The following NTRK3 variants were observed in gnomAD, a reference collection of about 807,000 sequenced individuals.
NTRK3 encodes neurotrophic receptor tyrosine kinase 3, also known as NT-3 growth factor receptor.
Under a neutral mutation model 91.7 loss-of-function variants are expected in NTRK3, and 24 were observed. That is an observed-to-expected ratio of 0.26 (90% confidence interval 0.19 to 0.37). NTRK3 has a LOEUF of 0.37. NTRK3 is among the 10% of genes least tolerant of loss of function. The pLI is 1.00. For synonymous variants in NTRK3, 483 were observed against 404.0 expected, an observed-to-expected ratio of 1.20 and a Z score of -2.34; for missense variants, 880 against 1,068.9, an observed-to-expected ratio of 0.82 and a Z score of 2.46.
At chr15:88,055,252 T>A (rs1373957985) in intron 13 of NTRK3, among the ~76,000 whole-genome samples, 1 of 152,148 alleles carries the variant, frequency 6.6e-6, no homozygotes, top group Non-Finnish European at 1.5e-5. Flanking sequence ...TTAAAGAAGA[T>A]CTGTGCCACT....
intron 14 of NTRK3, among the ~76,000 whole-genome samples, chr15:88,024,122 T>G (rs2077820962): frequency 6.6e-6 from 1 of 152,196 alleles, no homozygotes; most frequent in African/African-American, 2.4e-5. Context: ...GCCTGGGCAA[T>G]TCCTCTTCCA....
At chr15:88,001,600 A>G (rs2076101119) in intron 14 of NTRK3, among the ~76,000 whole-genome samples, 1 of 152,096 alleles carries the variant, frequency 6.6e-6, no homozygotes, top group African/African-American at 2.4e-5. Context: ...AGACTATTAT[A>G]TCCTTTTTGA....
rs191398848 is a variant in NTRK3 at position 88,212,997 on chromosome 15, G to T, written c.249-28698C>A. ...GCAGGGCTGTGGGGTCCCATCGCCT[G>T]GGCACCTGACGCCAACAGCCCATGC... On this transcript the variant is annotated intron_variant, in intron 3 of 18. Coordinates refer to ENST00000394480, the Ensembl canonical transcript of NTRK3. Among the ~76,000 whole-genome samples the T allele has an allele frequency of 3.3e-5, 5 of 152,336 alleles. No individual in the cohort carries two copies. The East Asian group carries it at 9.7e-4, about 29-fold the overall frequency.
intron 3 of NTRK3, among the ~76,000 whole-genome samples, chr15:88,207,762 T>C (rs2048918560): frequency 6.6e-6 from 1 of 152,156 alleles, no homozygotes; most frequent in African/African-American, 2.4e-5. Context: ...ATCATCAGCA[T>C]CACCCTCAAA....
chr15:88,256,228 G>T, intron 2 of NTRK3, 56 bp downstream of exon 2: 1 of 423,762 alleles, frequency 2.4e-6, no homozygotes, highest in Non-Finnish European at 4.3e-6. Context: ...GGAGAGCAGG[G>T]GGGGAAGGAA....
At chr15:88,069,160 C>T (rs564752849) in intron 13 of NTRK3, among the ~76,000 whole-genome samples, 53 of 152,282 alleles carry the variant, frequency 3.5e-4, no homozygotes, top group Admixed American at 2.3e-3. Flanking sequence ...ACAGTAGAAG[C>T]ATGAAACTTT....
intron 14 of NTRK3, among the ~76,000 whole-genome samples, chr15:87,987,692 A>T (rs1464111611): frequency 7.9e-5 from 12 of 151,784 alleles, no homozygotes; most frequent in Admixed American, 1.3e-4. Context: ...ATTTTTTTTT[A>T]AATTAATGTA....
At chr15:88,145,114 A>G (rs961665489) in intron 6 of NTRK3, among the ~76,000 whole-genome samples, 1 of 152,198 alleles carries the variant, frequency 6.6e-6, no homozygotes, top group Admixed American at 6.5e-5. Context: ...AGACCCTGGC[A>G]GTCTAGATGG....
chr15:88,136,202 C>T (rs1433666176), intron 8 of NTRK3, among the ~76,000 whole-genome samples, 162 bp from the exon 9 acceptor site: 2 of 152,236 alleles, frequency 1.3e-5, no homozygotes, highest in African/African-American at 4.8e-5. Flanking sequence ...TCCTCATAGG[C>T]AATAGTTCAG....
intron 3 of NTRK3, among the ~76,000 whole-genome samples, chr15:88,224,450 T>G (rs2050505309): frequency 6.6e-6 from 1 of 152,226 alleles, no homozygotes; most frequent in African/African-American, 2.4e-5. Context: ...TACTCTCTCC[T>G]TCACCTCCCA....
intron 3 of NTRK3, among the ~76,000 whole-genome samples, chr15:88,190,153 C>G (rs1265420739): frequency 1.3e-5 from 2 of 152,200 alleles, no homozygotes; most frequent in African/African-American, 4.8e-5. Flanking sequence ...CCTCATTTTT[C>G]TAAGCTTTTC....
intron 14 of NTRK3, among the ~76,000 whole-genome samples, chr15:87,963,872 T>C (rs2072538525): frequency 6.6e-6 from 1 of 152,232 alleles, no homozygotes; most frequent in Non-Finnish European, 1.5e-5. Context: ...TTTATGTTAA[T>C]ATTATATTTA....
At chr15:87,885,208 A>G (rs1356752650) in intron 17 of NTRK3, among the ~76,000 whole-genome samples, 1 of 151,984 alleles carries the variant, frequency 6.6e-6, no homozygotes, top group Non-Finnish European at 1.5e-5. Flanking sequence ...ACCTTAGCAG[A>G]AAATGTCCAA....
intron 17 of NTRK3, among the ~76,000 whole-genome samples, chr15:87,918,814 G>A (rs943982770): frequency 6.6e-6 from 1 of 152,148 alleles, no homozygotes; most frequent in Non-Finnish European, 1.5e-5. Flanking sequence ...ACATGGACAG[G>A]GTTAGCAAAT....
Position 88,057,583 on chromosome 15 carries a change from G to A in NTRK3, c.1397-24538C>T, listed in dbSNP as rs374833853. Among the ~76,000 whole-genome samples, 12 of 152,256 alleles carry A rather than the reference G, an allele frequency of 7.9e-5. No homozygotes were observed. The East Asian group carries it at 1.5e-3, about 20-fold the overall frequency. Reference sequence around the variant, plus strand: ...GGCCAATTCCAGAAGGTGGAGCAACGGGAAGCTCCTGGTGACCTTCAAGGA... The same window carrying A: ...GGCCAATTCCAGAAGGTGGAGCAACAGGAAGCTCCTGGTGACCTTCAAGGA... On this transcript the variant is annotated intron_variant, in intron 13 of 18. Coordinates refer to ENST00000394480, the Ensembl canonical transcript of NTRK3.
chr15:88,088,854 C>A (rs1238906253), intron 13 of NTRK3, among the ~76,000 whole-genome samples: 1 of 152,170 alleles, frequency 6.6e-6, no homozygotes, highest in East Asian at 1.9e-4. Flanking sequence ...CGTTCTCCAG[C>A]TGTGTGACCC....
chr15:88,221,927 C>T (rs553475025), intron 3 of NTRK3, among the ~76,000 whole-genome samples: 14 of 152,328 alleles, frequency 9.2e-5, no homozygotes, highest in African/African-American at 3.1e-4. Flanking sequence ...ACAGCTTACG[C>T]GGCACTGCAG....
At chr15:88,092,092 A>G (rs1442009433) in intron 13 of NTRK3, among the ~76,000 whole-genome samples, 4 of 152,212 alleles carry the variant, frequency 2.6e-5, no homozygotes, top group Non-Finnish European at 5.9e-5. Context: ...ACATAGGTGC[A>G]GCAGCACCAA....
rs74810566 is a variant in NTRK3, at chr15:88,123,416, G to A, written c.1396+2855C>T. Among the ~76,000 whole-genome samples the A allele has an allele frequency of 8.2e-3, 1,246 of 152,288 alleles. 10 individuals carry two copies. The highest frequency in any genetic ancestry group is 0.028 in the African/African-American group (1,176 of 41,550). On this transcript the variant is annotated intron_variant, in intron 13 of 18. Transcript: ENST00000394480. ...AAAAGGTAGGGAACTTCTGGTACCG[G>A]TGTCATCACTCTTTATCCAAGACTG... is the stretch of plus-strand genomic sequence containing the variant.
Sources: gnomAD v4.1 joint callset for allele counts (sites outside exome capture counted in the v4.1 genomes callset) on GRCh38, gnomAD v4.1.1 for gene constraint, MANE v1.5 for transcripts, NCBI Gene and HGNC (gene_info 2026-07-23, HGNC 2026-07-21) for gene names.